The following PRAMEF4 variants were observed in gnomAD, a reference collection of about 807,000 sequenced individuals.
PRAMEF4 encodes PRAME family member 4, also known as RP5-845O24.6.
PRAMEF4 carries 18 observed loss-of-function variants against 34.4 expected under a neutral mutation model. The ratio of observed to expected loss-of-function variants is 0.52; its 90% CI spans 0.36 to 0.78. The LOEUF is 0.78. Among genes scored for constraint, PRAMEF4 ranks in the 30% least tolerant of loss-of-function variants. PRAMEF4 has a pLI of 0.00. For missense variants in PRAMEF4, 482 were observed against 569.1 expected (o/e 0.85, Z 1.56); for synonymous variants, 156 against 219.3 (o/e 0.71, Z 2.55).
At chr1:12,883,720 A>G (rs797039559) in intron 1 of PRAMEF4, among the ~76,000 whole-genome samples, 1 of 147,718 alleles carries the variant, frequency 6.8e-6, no homozygotes, top group African/African-American at 2.5e-5. Context: ...GGAAACTACT[A>G]ATTACTCAAG....
intron 2 of PRAMEF4, 121 bp downstream of exon 2, chr1:12,882,981 C>G: frequency 2.1e-6 from 3 of 1,437,392 alleles, no homozygotes; most frequent in Non-Finnish European, 2.8e-6. Flanking sequence ...GGTGAATGGC[C>G]AAGTCCTCTC....
intron 3 of PRAMEF4, among the ~76,000 whole-genome samples, chr1:12,880,480 G>A (rs1488668075): frequency 6.6e-6 from 1 of 150,408 alleles, no homozygotes; most frequent in East Asian, 2.0e-4. Context: ...GGAAGCTGAG[G>A]CAGAAGAATC....
At chr1:12,885,663 A>G (rs1158436312) in intron 1 of PRAMEF4, among the ~76,000 whole-genome samples, 1 of 146,096 alleles carries the variant, frequency 6.8e-6, no homozygotes, top group Non-Finnish European at 1.5e-5. Flanking sequence ...TGTCTGTGAC[A>G]CCAGCTTCTG....
At chr1:12,885,795 A>G (rs930540157) in intron 1 of PRAMEF4, among the ~76,000 whole-genome samples, 4 of 146,382 alleles carry the variant, frequency 2.7e-5, no homozygotes, top group Admixed American at 7.2e-5. Flanking sequence ...CACCCTCAAA[A>G]AAAAAACGTT....
intron 1 of PRAMEF4, among the ~76,000 whole-genome samples, chr1:12,883,777 A>G (rs1640940613): frequency 6.8e-6 from 1 of 147,448 alleles, no homozygotes; most frequent in African/African-American, 2.5e-5. Context: ...ACATGCCCAC[A>G]TTTTCAGTTC....
rs567498277 is a variant in PRAMEF4 at position 12,885,106 on chromosome 1, T to A, written c.-17+1041A>T. On this transcript the variant is annotated intron_variant, in intron 1 of 3. Transcript: ENST00000235349. ...AAAACACAATAGAAATCTTCATGTA[T>A]CCGATGATCACCTGGGTCATATAAT... Among the ~76,000 whole-genome samples the A allele has an allele frequency of 6.1e-4, 92 of 150,890 alleles. 2 individuals are homozygous for A. The highest frequency in any genetic ancestry group is 2.2e-3 in the African/African-American group (89 of 40,984).
intron 3 of PRAMEF4, among the ~76,000 whole-genome samples, chr1:12,880,393 T>C (rs1640865184): frequency 6.6e-6 from 1 of 150,404 alleles, no homozygotes; most frequent in South Asian, 2.1e-4. Flanking sequence ...CTGCTGAACA[T>C]GGCAAAACCT....
intron 3 of PRAMEF4, among the ~76,000 whole-genome samples, chr1:12,881,091 C>G (rs564712874): frequency 6.8e-6 from 1 of 148,136 alleles, no homozygotes; most frequent in Admixed American, 6.9e-5. Flanking sequence ...GTTGGCTGGG[C>G]GTGGTAGCTC....
chr1:12,885,678 T>A (rs1322303422), intron 1 of PRAMEF4, among the ~76,000 whole-genome samples: 2 of 146,028 alleles, frequency 1.4e-5, no homozygotes, highest in African/African-American at 2.6e-5. Flanking sequence ...CTTCTGAGGA[T>A]GGAGACTGAG....
intron 2 of PRAMEF4, 105 bp from the exon 3 acceptor site, chr1:12,882,540 C>T (rs1303348619): frequency 6.7e-7 from 1 of 1,491,558 alleles, no homozygotes; most frequent in Non-Finnish European, 9.1e-7. Flanking sequence ...TTGTCCCTCT[C>T]TCTGACTTTT....
intron 2 of PRAMEF4, 59 bp downstream of exon 2, chr1:12,883,043 A>C (rs1640922758): frequency 1.3e-6 from 2 of 1,585,296 alleles, no homozygotes; most frequent in East Asian, 4.5e-5. Flanking sequence ...CTCACGACCC[A>C]GCTGTTCCTT....
In PRAMEF4 at chr1:12,882,907, AGAG is replaced by A. The variant is rs1035205693; in HGVS notation, c.293+192_293+194del. Among the ~76,000 whole-genome samples, 2 of 147,120 alleles carry A rather than the reference AGAG, an allele frequency of 1.4e-5. 1 individual carries two copies. The highest frequency in any genetic ancestry group is 3.0e-5 in the Non-Finnish European group (2 of 67,248). On this transcript the variant is annotated intron_variant, in intron 2 of 3. Transcript: ENST00000235349. ...TTTCATGGTGCCTTTCAGTGCCATT[AGAG>A]GAGAGGTTCCTGTTACCTCCATGGA...
Position 12,879,725 on chromosome 1 carries a change from C to G in PRAMEF4, c.1256G>C (p.Arg419Pro), listed in dbSNP as rs76416839. The change falls in exon 4 of 4, where the codon CGG becomes CCG. Residue 419 changes from arginine to proline, a missense_variant. Coordinates refer to ENST00000235349, the MANE Select transcript of PRAMEF4 (RefSeq NM_001009611.4). ...AGTACCATCAGCACCATAACTCTCCCGGGGGGCAGGATACAGCTCCACGCA... is the reference window on the plus strand; with the variant it reads ...AGTACCATCAGCACCATAACTCTCCGGGGGGGCAGGATACAGCTCCACGCA... ...NLCVELYPAP[R>P]ESYGADGTLC... 7 of 1,601,656 alleles carry G rather than the reference C, an allele frequency of 4.4e-6. No individual in the cohort carries two copies. The highest frequency in any genetic ancestry group is 6.0e-6 in the Non-Finnish European group (7 of 1,175,350).
intron 1 of PRAMEF4, among the ~76,000 whole-genome samples, chr1:12,885,171 C>T (rs1008741339): frequency 2.7e-5 from 4 of 150,530 alleles, no homozygotes; most frequent in Non-Finnish European, 5.9e-5. Flanking sequence ...ACTTCGTCGC[C>T]CAGGCTGGAG....
chr1:12,884,545 A>G (rs2797718), intron 1 of PRAMEF4, among the ~76,000 whole-genome samples: 2 of 139,984 alleles, frequency 1.4e-5, no homozygotes, highest in African/African-American at 5.5e-5. Flanking sequence ...TAAAACCCTG[A>G]CTCTACTAAG....
At chr1:12,882,731 C>T (rs1166621795) in intron 2 of PRAMEF4, among the ~76,000 whole-genome samples, 1 of 148,218 alleles carries the variant, frequency 6.7e-6, no homozygotes, top group Non-Finnish European at 1.5e-5. Flanking sequence ...GCTGGGATTA[C>T]AGGAGCCCAC....
At chr1:12,885,682 G>C (rs1293800570) in intron 1 of PRAMEF4, among the ~76,000 whole-genome samples, 1 of 146,344 alleles carries the variant, frequency 6.8e-6, no homozygotes, top group Non-Finnish European at 1.5e-5. Context: ...TGAGGATGGA[G>C]ACTGAGGCAT....
At chr1:12,883,561 C>T (rs1475759212) in intron 1 of PRAMEF4, among the ~76,000 whole-genome samples, 151 bp from the exon 2 acceptor site, 1 of 149,428 alleles carries the variant, frequency 6.7e-6, no homozygotes, top group African/African-American at 2.5e-5. Context: ...GGCCATTAAG[C>T]CAGCATTCTG....
At chr1:12,885,612 C>T (rs1299496265) in intron 1 of PRAMEF4, among the ~76,000 whole-genome samples, 1 of 146,288 alleles carries the variant, frequency 6.8e-6, no homozygotes, top group Non-Finnish European at 1.5e-5. Flanking sequence ...GAAACCCCAC[C>T]TCTACTAAAA....
Sources: allele counts gnomAD v4.1 joint callset (sites outside exome capture counted in the v4.1 genomes callset), GRCh38; gene constraint gnomAD v4.1.1; transcripts MANE v1.5; gene names NCBI Gene and HGNC (gene_info 2026-07-23, HGNC 2026-07-21).